The following SLC26A7 variants were observed in gnomAD, a reference collection of about 807,000 sequenced individuals.
SLC26A7 encodes the protein anion exchange transporter.
Under a neutral mutation model 82.5 loss-of-function variants are expected in SLC26A7, and 59 were observed. The observed-to-expected ratio is 0.72, with a 90% CI of 0.58 to 0.89. The LOEUF is 0.89. SLC26A7 is among the 40% of genes least tolerant of loss of function. SLC26A7 has a pLI of 0.00. For synonymous variants in SLC26A7, 271 were observed against 274.3 expected, an observed-to-expected ratio of 0.99 and a Z score of 0.12; for missense variants, 820 against 793.0, an observed-to-expected ratio of 1.03 and a Z score of -0.41.
In SLC26A7 at chr8:91,343,363, C is replaced by G; in HGVS notation, c.1037C>G (p.Ala346Gly). 1.9e-6 allele frequency: 3 copies of G among 1,605,672 alleles called. No homozygotes were observed. Among genetic ancestry groups the G allele is most frequent in the Non-Finnish European group, 2.6e-6 (3 of 1,175,850 alleles). Residue 346 changes from alanine to glycine, a missense_variant, in exon 9 of 19, where the codon GCC becomes GGC. Transcript: ENST00000276609. ...TCATGAATCTTGCAGGAATTTTTGG[C>G]CCATGGCCTCAGCAATATAGTTTCT... ...YSIDDNQEFL[A>G]HGLSNIVSSF... is the part of the protein sequence containing the mutation.
chr8:91,210,562 GACACACACACACACACACAC>G (rs35968986), intron 1 of SLC26A7, among the ~76,000 whole-genome samples: 3,530 of 146,196 alleles, frequency 0.024, 149 homozygotes, highest in African/African-American at 0.082. Flanking sequence ...CACACACACA[GACACACACACACACACACAC>G]ACACACACAC....
chr8:91,339,422 C>T (rs138846079), intron 7 of SLC26A7, among the ~76,000 whole-genome samples: 81 of 152,198 alleles, frequency 5.3e-4, no homozygotes, highest in East Asian at 5.2e-3. Context: ...CCAGCTCTGC[C>T]ATTCACCTTG....
At chr8:91,391,560 C>T (rs1164726972) in intron 16 of SLC26A7, among the ~76,000 whole-genome samples, 1 of 152,144 alleles carries the variant, frequency 6.6e-6, no homozygotes, top group Non-Finnish European at 1.5e-5. Context: ...TCTAGCTGAA[C>T]CTAAATTGTA....
chr8:91,291,834 T>C (rs1291452130), intron 3 of SLC26A7, among the ~76,000 whole-genome samples: 3 of 152,252 alleles, frequency 2.0e-5, no homozygotes, highest in African/African-American at 7.2e-5. Context: ...TTAACTGTAG[T>C]CATTCAACAT....
chr8:91,326,936 T>C (rs764356702), intron 5 of SLC26A7, among the ~76,000 whole-genome samples: 46 of 152,118 alleles, frequency 3.0e-4, no homozygotes, highest in Non-Finnish European at 5.4e-4. Context: ...TTCCCTGCTG[T>C]TTGTTCTTCT....
intron 3 of SLC26A7, among the ~76,000 whole-genome samples, chr8:91,294,775 C>T (rs974288952): frequency 3.3e-5 from 5 of 152,138 alleles, no homozygotes; most frequent in Non-Finnish European, 7.3e-5. Flanking sequence ...AATGGTCCCA[C>T]AAATGTGCAA....
At chr8:91,249,283 A>G (rs886425864), upstream of SLC26A7, 7 of 156,678 alleles carry the variant, frequency 4.5e-5, no homozygotes, top group African/African-American at 1.7e-4. Context: ...ACATAAGACT[A>G]CAGTGAATAT....
At chr8:91,325,035 T>C (rs1563679943) in intron 5 of SLC26A7, among the ~76,000 whole-genome samples, 1 of 152,188 alleles carries the variant, frequency 6.6e-6, no homozygotes, top group Admixed American at 6.5e-5. Flanking sequence ...TTTCATTAAC[T>C]CCTGAGGTTT....
chr8:91,266,876 G>A (rs1297477813), intron 2 of SLC26A7, among the ~76,000 whole-genome samples: 3 of 151,970 alleles, frequency 2.0e-5, no homozygotes, highest in Non-Finnish European at 4.4e-5. Flanking sequence ...TTGTGGGCCT[G>A]TGATATATGG....
At chr8:91,238,671 G>T (rs1367062802) in intron 2 of SLC26A7, among the ~76,000 whole-genome samples, 1 of 151,586 alleles carries the variant, frequency 6.6e-6, no homozygotes, top group Non-Finnish European at 1.5e-5. Flanking sequence ...TTTGGTCCTT[G>T]GTTTTAAAGA....
rs538519810 is a variant in SLC26A7 at position 91,318,861 on chromosome 8, C to A, written c.642+481C>A. Among the ~76,000 whole-genome samples, 198 of 152,260 alleles carry A rather than the reference C, an allele frequency of 1.3e-3. 2 individuals are homozygous for A. Among genetic ancestry groups the A allele is most frequent in the African/African-American group, 4.7e-3 (195 of 41,552 alleles). ...CCCAAGAAAGAGAGTAGCACCTGGC[C>A]ATTTGCAACATATTTTTCTAACAAC... On this transcript the variant is annotated intron_variant, in intron 5 of 18. Coordinates refer to ENST00000276609, the MANE Select transcript of SLC26A7 (RefSeq NM_052832.4).
intron 8 of SLC26A7, among the ~76,000 whole-genome samples, chr8:91,342,251 T>C (rs970315611): frequency 3.9e-5 from 6 of 152,174 alleles, no homozygotes; most frequent in African/African-American, 1.4e-4. Context: ...CAAATGCTCC[T>C]TTCTCAGGGA....
chr8:91,319,699 C>T (rs966667122), intron 5 of SLC26A7, among the ~76,000 whole-genome samples: 1 of 152,226 alleles, frequency 6.6e-6, no homozygotes, highest in Non-Finnish European at 1.5e-5. Flanking sequence ...CAGGTCTACA[C>T]GACAGAACCA....
intron 8 of SLC26A7, among the ~76,000 whole-genome samples, chr8:91,341,242 G>T (rs943618964): frequency 1.3e-4 from 19 of 151,940 alleles, no homozygotes; most frequent in African/African-American, 4.6e-4. Flanking sequence ...GCGGTGTTTG[G>T]TTTTTTGTTC....
Position 91,323,574 on chromosome 8 carries a change from T to C in SLC26A7, c.642+5194T>C, listed in dbSNP as rs568663803. Reference sequence around the variant, plus strand: ...GTATACTCATGATGTCTTTAGCTATTTAACATACCATACTTCCCTTAGACC... The same window carrying C: ...GTATACTCATGATGTCTTTAGCTATCTAACATACCATACTTCCCTTAGACC... On this transcript the variant is annotated intron_variant, in intron 5 of 18. Transcript: ENST00000276609. 1.5e-3 allele frequency among the ~76,000 whole-genome samples: 228 copies of C among 152,326 alleles called. 2 individuals carry two copies. The highest frequency in any genetic ancestry group is 5.4e-3 in the African/African-American group (226 of 41,582).
At chr8:91,301,800 TTA>T (rs1491373599) in intron 4 of SLC26A7, among the ~76,000 whole-genome samples, 2,958 of 150,890 alleles carry the variant, frequency 0.02, 91 homozygotes, top group African/African-American at 0.067. Flanking sequence ...AATTTACTTG[TTA>T]TTTTTTTTTC....
intron 2 of SLC26A7, among the ~76,000 whole-genome samples, chr8:91,220,846 A>G (rs1810149501): frequency 6.6e-6 from 1 of 152,226 alleles, no homozygotes; most frequent in South Asian, 2.1e-4. Context: ...AGAATGATTT[A>G]TAATCCTTTG....
intron 1 of SLC26A7, among the ~76,000 whole-genome samples, chr8:91,218,440 G>C (rs918727861): frequency 6.6e-6 from 1 of 152,086 alleles, no homozygotes; most frequent in African/African-American, 2.4e-5. Flanking sequence ...GAATAGTACA[G>C]ACAGTGAACA....
chr8:91,231,038 T>A (rs1197304300), intron 2 of SLC26A7, among the ~76,000 whole-genome samples: 1 of 152,164 alleles, frequency 6.6e-6, no homozygotes. Context: ...AAACTTTCCA[T>A]CTTATCTGGG....
Sources: allele counts gnomAD v4.1 joint callset (sites outside exome capture counted in the v4.1 genomes callset), GRCh38; gene constraint gnomAD v4.1.1; transcripts MANE v1.5; gene names NCBI Gene and HGNC (gene_info 2026-07-23, HGNC 2026-07-21).